TAF6: variants seen among roughly 807,000 people sequenced by gnomAD.
TAF6 encodes transcription initiation factor TFIID subunit 6.
A neutral mutation model predicts 73.5 loss-of-function variants in TAF6; 50 were observed. That is an observed-to-expected ratio of 0.68 (90% CI 0.54 to 0.86). TAF6 has a LOEUF of 0.86. TAF6 is among the 40% of genes least tolerant of loss of function. TAF6 has a pLI of 0.00. For synonymous variants in TAF6, 424 were observed against 376.7 expected (o/e 1.13, Z -1.45); for missense variants, 768 against 899.5 (o/e 0.85, Z 1.87).
At chr7:100,124,672 C>G, upstream of TAF6, 1 of 1,610,928 alleles carries the variant, frequency 6.2e-7, no homozygotes, top group South Asian at 1.1e-5. Flanking sequence ...CAAGCCATAG[C>G]CTCCCCTGCC....
the TAF6 span, chr7:100,124,939 A>C: frequency 6.5e-7 from 1 of 1,526,784 alleles, no homozygotes. Context: ...GAGCCCTCTA[A>C]AGCCTGCACT....
chr7:100,112,949 G>A (rs1360057030), intron 5 of TAF6, 32 bp from the exon 6 acceptor site: 1 of 1,576,644 alleles, frequency 6.3e-7, no homozygotes, highest in Non-Finnish European at 8.6e-7. Context: ...CGGGAGGGGT[G>A]ATGAGCATAG....
At chr7:100,123,054 AGGAGC>A (rs1798116144), upstream of TAF6, 10 of 887,050 alleles carry the variant, frequency 1.1e-5, no homozygotes, top group South Asian at 2.3e-4. Context: ...AAGTGGGTCC[AGGAGC>A]GGTGGGGTGC....
intron 1 of TAF6, among the ~76,000 whole-genome samples, chr7:100,117,818 G>A (rs1337194011): frequency 5.3e-5 from 8 of 150,986 alleles, no homozygotes; most frequent in South Asian, 2.1e-4. Flanking sequence ...CGAGGCGGGC[G>A]GATCACTAGG....
In TAF6 at chr7:100,108,101, G is replaced by C. The variant is rs201125133; in HGVS notation, c.1481C>G (p.Ser494Trp). Reference sequence around the variant, plus strand: ...GCGAGGGCCAGGCTGTGGGGCCTGCGAGAGGGTCAGCGTGGGCCGGGGCTG... The same window carrying C: ...GCGAGGGCCAGGCTGTGGGGCCTGCCAGAGGGTCAGCGTGGGCCGGGGCTG... ...ITQPRPTLTLSQAPQPGPRTP... is the reference protein window; with the variant it reads ...ITQPRPTLTLWQAPQPGPRTP... The change falls in exon 14 of 15, where the codon TCG becomes TGG. Residue 494 changes from serine to tryptophan, a missense_variant. Coordinates refer to ENST00000453269, the MANE Select transcript of TAF6 (RefSeq NM_139315.3). The C allele has an allele frequency of 6.2e-7, 1 of 1,606,692 alleles. No homozygotes were observed. The highest frequency in any genetic ancestry group is 1.3e-5 in the African/African-American group (1 of 75,000).
upstream of TAF6, chr7:100,122,721 CAG>C: frequency 6.4e-7 from 1 of 1,566,122 alleles, no homozygotes; most frequent in Non-Finnish European, 8.7e-7. Flanking sequence ...ACTGAAATGG[CAG>C]AAAGGGGAAG....
At chr7:100,114,611 TAGGGAGACTA>T in intron 1 of TAF6, 1 of 490,460 alleles carries the variant, frequency 2.0e-6, no homozygotes, top group South Asian at 2.7e-5. Flanking sequence ...TCCCAGCTAC[TAGGGAGACTA>T]AGGCACGAGA....
chr7:100,115,294 G>A (rs1021005183), intron 1 of TAF6: 8 of 152,374 alleles, frequency 5.3e-5, no homozygotes, highest in South Asian at 4.1e-4. Flanking sequence ...GTCTGGCCCA[G>A]GCTCAGCTTT....
At chr7:100,122,388 G>C (rs764724700), upstream of TAF6, 3 of 1,613,982 alleles carry the variant, frequency 1.9e-6, no homozygotes, top group African/African-American at 2.7e-5. Flanking sequence ...AGCGTTTCGT[G>C]AGTCCTTCGT....
At chr7:100,126,645 G>GA in the TAF6 span, 1 of 152,180 alleles carries the variant, frequency 6.6e-6, no homozygotes, top group Non-Finnish European at 1.5e-5. Flanking sequence ...AAAAGAGAAA[G>GA]AAAAAATAGA....
intron 12 of TAF6, among the ~76,000 whole-genome samples, chr7:100,109,506 T>C (rs1429601878): frequency 3.3e-5 from 5 of 151,924 alleles, no homozygotes; most frequent in Non-Finnish European, 7.4e-5. Flanking sequence ...TAAACCCTTC[T>C]TTTTTGGGGG....
chr7:100,124,756 G>A, upstream of TAF6: 3 of 1,613,978 alleles, frequency 1.9e-6, no homozygotes, highest in Non-Finnish European at 2.5e-6. Context: ...CTGGAAAGGA[G>A]ATCACAGATG....
In TAF6 at chr7:100,114,037, C is replaced by G. The variant is rs201852214; in HGVS notation, c.156+17G>C. 3.1e-6 allele frequency: 5 copies of G among 1,613,858 alleles called. No individual in the cohort carries two copies. In the South Asian group the frequency reaches 3.3e-5, roughly 11 times the overall value. On this transcript the variant is annotated intron_variant, in intron 2 of 14. Transcript: ENST00000453269. ...GACATGGACCCAATGTAGAGCTGGA[C>G]AGAAGGGCCGGGTCACCTGTGCGAT...
upstream of TAF6, chr7:100,122,551 C>G (rs143569274): frequency 6.2e-7 from 1 of 1,611,974 alleles, no homozygotes; most frequent in South Asian, 1.1e-5. Flanking sequence ...TCACGCTGAG[C>G]GCAAGGGCTC....
chr7:100,120,966 C>T (rs1456257324), upstream of TAF6, among the ~76,000 whole-genome samples: 1 of 151,660 alleles, frequency 6.6e-6, no homozygotes, highest in Non-Finnish European at 1.5e-5. Context: ...CAATAAATAA[C>T]TGCAGGATAA....
chr7:100,118,057 A>C (rs1180211092), intron 1 of TAF6, among the ~76,000 whole-genome samples: 2 of 150,124 alleles, frequency 1.3e-5, no homozygotes, highest in African/African-American at 4.9e-5. Flanking sequence ...AAAAAAAAAA[A>C]AAAACAAAAA....
chr7:100,118,757 C>T (rs1797891936), intron 1 of TAF6: 1 of 592,650 alleles, frequency 1.7e-6, no homozygotes, highest in Non-Finnish European at 2.1e-6. Context: ...TAGGGTGGGG[C>T]CGTGCTGGAA....
chr7:100,120,996 GCTCA>G (rs761238560), upstream of TAF6, among the ~76,000 whole-genome samples: 6 of 148,800 alleles, frequency 4.0e-5, no homozygotes, highest in East Asian at 2.0e-4. Flanking sequence ...CTTATACAGT[GCTCA>G]CTATGTGCCA....
upstream of TAF6, chr7:100,123,050 G>T (rs1798115952): frequency 4.4e-6 from 4 of 919,222 alleles, no homozygotes; most frequent in African/African-American, 3.3e-5. Context: ...ATTAAAGTGG[G>T]TCCAGGAGCG....
Sources: gnomAD v4.1 joint callset for allele counts (sites outside exome capture counted in the v4.1 genomes callset) on GRCh38, gnomAD v4.1.1 for gene constraint, MANE v1.5 for transcripts, NCBI Gene and HGNC (gene_info 2026-07-23, HGNC 2026-07-21) for gene names.